CRPPA: variants seen among roughly 807,000 people sequenced by gnomAD.
CRPPA encodes the protein CDP-L-ribitol pyrophosphorylase A, also known as D-ribitol-5-phosphate cytidylyltransferase.
Under a neutral mutation model 52.0 loss-of-function variants are expected in CRPPA, and 43 were observed. The ratio of observed to expected loss-of-function variants is 0.83; its 90% CI spans 0.65 to 1.07. The LOEUF (loss-of-function observed/expected upper bound fraction) is 1.07. Among genes scored for constraint, CRPPA ranks in the 50% least tolerant of loss-of-function variants. CRPPA has a pLI of 0.00. For missense variants in CRPPA, 629 were observed against 551.7 expected, an observed-to-expected ratio of 1.14 and a Z score of -1.40; for synonymous variants, 250 against 203.5, an observed-to-expected ratio of 1.23 and a Z score of -1.94.
At chr7:16,373,138 T>C (rs1334527660) in intron 3 of CRPPA, among the ~76,000 whole-genome samples, 2 of 151,896 alleles carry the variant, frequency 1.3e-5, no homozygotes, top group African/African-American at 4.8e-5. Flanking sequence ...TTACTAAAAA[T>C]ACAAAAAATT....
chr7:16,399,754 T>C (rs1464136258), intron 2 of CRPPA, among the ~76,000 whole-genome samples: 1 of 151,982 alleles, frequency 6.6e-6, no homozygotes, highest in African/African-American at 2.4e-5. Flanking sequence ...CTGACACGTT[T>C]CTCACAAGTG....
At chr7:16,152,906 A>C (rs760274923) in intron 9 of CRPPA, among the ~76,000 whole-genome samples, 10 of 152,048 alleles carry the variant, frequency 6.6e-5, no homozygotes, top group Non-Finnish European at 1.5e-4. Context: ...TTTCTAATGT[A>C]CACTTCTTAG....
chr7:16,209,988 T>C (rs1782086221), intron 9 of CRPPA, among the ~76,000 whole-genome samples: 1 of 152,096 alleles, frequency 6.6e-6, no homozygotes, highest in Admixed American at 6.5e-5. Context: ...AATTAGAAAA[T>C]GATATAATTG....
intron 2 of CRPPA, among the ~76,000 whole-genome samples, chr7:16,380,323 C>T (rs1787044169): frequency 6.6e-6 from 1 of 151,814 alleles, no homozygotes; most frequent in Non-Finnish European, 1.5e-5. Flanking sequence ...ACCAGCCTTG[C>T]ATCCCAGGGA....
intron 9 of CRPPA, among the ~76,000 whole-genome samples, chr7:16,172,250 G>T (rs2128385592): frequency 6.6e-6 from 1 of 152,294 alleles, no homozygotes; most frequent in South Asian, 2.1e-4. Flanking sequence ...AAGGAGCTTG[G>T]TGTTCATTGT....
At chr7:16,339,099 C>T (rs1785759729) in intron 3 of CRPPA, among the ~76,000 whole-genome samples, 1 of 152,080 alleles carries the variant, frequency 6.6e-6, no homozygotes, top group Admixed American at 6.6e-5. Flanking sequence ...GCCACCGTAC[C>T]CGGCCTCTAG....
intron 4 of CRPPA, among the ~76,000 whole-genome samples, chr7:16,302,943 G>GT (rs2128423358): frequency 6.6e-6 from 1 of 152,176 alleles, no homozygotes; most frequent in South Asian, 2.1e-4. Context: ...AGGGTGTTGG[G>GT]TTTTTTTAAT....
intron 9 of CRPPA, among the ~76,000 whole-genome samples, chr7:16,105,823 G>C (rs1210543715): frequency 2.0e-5 from 3 of 152,064 alleles, no homozygotes; most frequent in Non-Finnish European, 4.4e-5. Flanking sequence ...ACAATGAAGA[G>C]GCTAAATTGG....
At chr7:16,408,086 C>G (rs1002773043) in intron 1 of CRPPA, among the ~76,000 whole-genome samples, 2 of 146,072 alleles carry the variant, frequency 1.4e-5, no homozygotes, top group Admixed American at 7.1e-5. Context: ...CTAGCCTGGG[C>G]GACAGAGCAG....
intron 9 of CRPPA, among the ~76,000 whole-genome samples, chr7:16,109,802 T>G (rs1468126370): frequency 6.6e-6 from 1 of 152,008 alleles, no homozygotes; most frequent in Non-Finnish European, 1.5e-5. Context: ...ATAAACTTAC[T>G]TCAACACAAT....
chr7:16,378,349 G>C (rs1371740242), intron 2 of CRPPA, among the ~76,000 whole-genome samples: 1 of 144,906 alleles, frequency 6.9e-6, no homozygotes, highest in Non-Finnish European at 1.5e-5. Flanking sequence ...CTATGAGTGA[G>C]AACATGCGGT....
intron 2 of CRPPA, among the ~76,000 whole-genome samples, chr7:16,400,682 A>T (rs1787791856): frequency 6.6e-6 from 1 of 152,234 alleles, no homozygotes; most frequent in Non-Finnish European, 1.5e-5. Flanking sequence ...CTTGTGAGAT[A>T]CATAACCAAC....
At position 16,088,834 on chromosome 7, in the gene CRPPA, A is replaced by G; in HGVS notation, c.*2861T>C. On this transcript the variant is annotated 3_prime_UTR_variant, in exon 10 of 10. Coordinates refer to ENST00000407010, the MANE Select transcript of CRPPA (RefSeq NM_001101426.4). ...TGGCTGGAAAGCCAAAAGCTCCAGG[A>G]CTTTCACCTAGTCCCTGGACATAAG... The G allele has an allele frequency of 6.1e-6, 1 of 164,620 alleles. No homozygotes were observed. Among genetic ancestry groups the G allele is most frequent in the Admixed American group, 5.6e-5 (1 of 17,888 alleles). The allele number at this position is 164,620 out of a possible 1,614,324, so 10.2% of individuals were successfully genotyped here.
chr7:16,409,553 T>C (rs985303621), intron 1 of CRPPA, among the ~76,000 whole-genome samples: 1 of 152,290 alleles, frequency 6.6e-6, no homozygotes, highest in Non-Finnish European at 1.5e-5. Flanking sequence ...TTAGAGATAG[T>C]CTATTCTAGA....
At chr7:16,163,677 T>G (rs1335303990) in intron 9 of CRPPA, among the ~76,000 whole-genome samples, 1 of 152,214 alleles carries the variant, frequency 6.6e-6, no homozygotes, top group Non-Finnish European at 1.5e-5. Flanking sequence ...CCATATTTAG[T>G]GCTTCCTTCA....
At chr7:16,329,467 C>A (rs949133899) in intron 3 of CRPPA, among the ~76,000 whole-genome samples, 4 of 152,180 alleles carry the variant, frequency 2.6e-5, no homozygotes, top group Admixed American at 2.6e-4. Context: ...AATTTTTCAT[C>A]TGAAACTGGC....
intron 6 of CRPPA, chr7:16,261,993 T>C (rs912734081): frequency 1.3e-5 from 2 of 152,142 alleles, no homozygotes; most frequent in Non-Finnish European, 1.5e-5. Flanking sequence ...ATGAATACTG[T>C]AGATATATGA....
intron 1 of CRPPA, among the ~76,000 whole-genome samples, chr7:16,416,767 A>G (rs2128320352): frequency 6.6e-6 from 1 of 152,214 alleles, no homozygotes; most frequent in Admixed American, 6.5e-5. Flanking sequence ...GCTTGAGCCC[A>G]GGAGGTTGAG....
chr7:16,386,966 G>C (rs1787285589), intron 2 of CRPPA, among the ~76,000 whole-genome samples: 1 of 150,860 alleles, frequency 6.6e-6, no homozygotes, highest in Non-Finnish European at 1.5e-5. Context: ...GTTACAGTGA[G>C]CTGAGATTGT....
Sources: allele counts gnomAD v4.1 joint callset (sites outside exome capture counted in the v4.1 genomes callset), GRCh38; gene constraint gnomAD v4.1.1; transcripts MANE v1.5; gene names NCBI Gene and HGNC (gene_info 2026-07-23, HGNC 2026-07-21).